CSMD2: variants seen among roughly 807,000 people sequenced by gnomAD.
CSMD2 encodes the protein CUB and sushi domain-containing protein 2.
A neutral mutation model predicts 398.5 loss-of-function variants in CSMD2; 130 were observed. The observed-to-expected ratio is 0.33, with a 90% CI of 0.28 to 0.38. The LOEUF is 0.38. Among genes scored for constraint, CSMD2 ranks in the 10% least tolerant of loss-of-function variants. The probability of loss-of-function intolerance (pLI) is 1.00; values close to 1 mark genes in which losing one functional copy is unlikely to be tolerated. For missense variants in CSMD2, 3,829 were observed against 4,764.9 expected (o/e 0.80, Z 5.78); for synonymous variants, 1,828 against 1,908.5 (o/e 0.96, Z 1.10).
At chr1:33,604,279 C>T (rs1640435003) in intron 42 of CSMD2, among the ~76,000 whole-genome samples, 1 of 152,236 alleles carries the variant, frequency 6.6e-6, no homozygotes, top group Non-Finnish European at 1.5e-5. Flanking sequence ...ACTGGTTACG[C>T]AGAGCAGAGC....
intron 22 of CSMD2, among the ~76,000 whole-genome samples, chr1:33,701,717 G>A (rs1411287409): frequency 6.6e-6 from 1 of 152,236 alleles, no homozygotes; most frequent in Non-Finnish European, 1.5e-5. Flanking sequence ...TGTAATTGCT[G>A]TGTATCACTG....
At chr1:33,589,724 T>C (rs1271179182) in intron 44 of CSMD2, among the ~76,000 whole-genome samples, 2 of 152,220 alleles carry the variant, frequency 1.3e-5, no homozygotes, top group Non-Finnish European at 2.9e-5. Context: ...ACCCCGCAGC[T>C]TGACACATTA....
intron 12 of CSMD2, among the ~76,000 whole-genome samples, chr1:33,788,342 T>C (rs1014530629): frequency 6.6e-6 from 1 of 151,808 alleles, no homozygotes. Flanking sequence ...ACCCCGTCTC[T>C]ACTAAAAATA....
chr1:33,616,195 T>A (rs1451669989), intron 39 of CSMD2, among the ~76,000 whole-genome samples: 1 of 152,180 alleles, frequency 6.6e-6, no homozygotes, highest in Admixed American at 6.5e-5. Context: ...AGCCAAGTCC[T>A]TGTTTCGCAC....
chr1:33,923,350 TCTCTTG>T (rs978589777), intron 4 of CSMD2, among the ~76,000 whole-genome samples: 4 of 152,206 alleles, frequency 2.6e-5, no homozygotes, highest in African/African-American at 7.2e-5. Context: ...CCTCACTCCC[TCTCTTG>T]CTCTTGCTCT....
intron 2 of CSMD2, among the ~76,000 whole-genome samples, chr1:34,051,170 G>A (rs561624959): frequency 6.6e-6 from 1 of 152,316 alleles, no homozygotes; most frequent in African/African-American, 2.4e-5. Context: ...GTATTATCAT[G>A]GCCTATGATT....
intron 6 of CSMD2, among the ~76,000 whole-genome samples, chr1:33,846,165 C>T (rs1661336036): frequency 6.6e-6 from 1 of 152,238 alleles, no homozygotes; most frequent in South Asian, 2.1e-4. Flanking sequence ...CAGTTACAGA[C>T]AGCTCCTTGC....
At chr1:33,571,256 G>A (rs1321710546) in intron 51 of CSMD2, among the ~76,000 whole-genome samples, 1 of 152,138 alleles carries the variant, frequency 6.6e-6, no homozygotes, top group Non-Finnish European at 1.5e-5. Context: ...CATATAGTAA[G>A]AGCCTAAGAA....
At chr1:34,071,869 T>C (rs1471068984) in intron 2 of CSMD2, among the ~76,000 whole-genome samples, 2 of 152,404 alleles carry the variant, frequency 1.3e-5, no homozygotes, top group Non-Finnish European at 2.9e-5. Flanking sequence ...GGATATTTTA[T>C]AGTCCTTCTA....
chr1:33,725,099 C>A (rs1252753725), intron 17 of CSMD2, among the ~76,000 whole-genome samples: 1 of 152,176 alleles, frequency 6.6e-6, no homozygotes, highest in African/African-American at 2.4e-5. Context: ...TGGCGGCACC[C>A]AATCACCTGC....
In CSMD2 at chr1:34,164,821, G is replaced by T; in HGVS notation, c.187+90C>A. 9.3e-7 allele frequency: 1 copy of T among 1,073,722 alleles called. No homozygotes were observed. Among genetic ancestry groups the T allele is most frequent in the East Asian group, 3.7e-5 (1 of 26,798 alleles). 66.5% of individuals were successfully genotyped at this position (1,073,722 alleles called of 1,614,324 possible). On this transcript the variant is annotated intron_variant, in intron 1 of 70. Coordinates refer to ENST00000373381, the MANE Select transcript of CSMD2 (RefSeq NM_001281956.2). The surrounding 1 kb of genome is among the most constrained non-coding windows in gnomAD (Gnocchi z 6.2). The stretch of plus-strand genomic sequence containing the variant: ...ATTCAGGCAGGGATAGAGGCGGGGG[G>T]AGGGACTGGGACCGGGTCGAGGATG...
At chr1:33,526,359 T>C (rs1654773758) in intron 65 of CSMD2, among the ~76,000 whole-genome samples, 1 of 152,222 alleles carries the variant, frequency 6.6e-6, no homozygotes, top group African/African-American at 2.4e-5. Context: ...TGTCTGATCA[T>C]GTGCAAAAGC....
At chr1:33,649,004 A>G (rs545729168) in intron 28 of CSMD2, among the ~76,000 whole-genome samples, 1 of 152,348 alleles carries the variant, frequency 6.6e-6, no homozygotes. Context: ...CTTGAACTTG[A>G]TGGAGTTTAT....
At chr1:33,530,638 C>T (rs1300171617) in intron 64 of CSMD2, among the ~76,000 whole-genome samples, 1 of 152,156 alleles carries the variant, frequency 6.6e-6, no homozygotes, top group African/African-American at 2.4e-5. Flanking sequence ...GAGATATCTG[C>T]ACTCTCATGT....
In CSMD2 at chr1:33,958,134, T is replaced by C. The variant is rs367623225; in HGVS notation, c.518-22180A>G. ...TCCCACCCCCACGCCTTTTCCTGAC[T>C]GCCACAGGGATCCTCATTCCATGAG... is the stretch of plus-strand genomic sequence containing the variant. On this transcript the variant is annotated intron_variant, in intron 3 of 70. Transcript: ENST00000373381. Among the ~76,000 whole-genome samples, 10 of 152,172 alleles carry C rather than the reference T, an allele frequency of 6.6e-5. No homozygotes were observed. In the East Asian group the frequency reaches 1.2e-3, roughly 18 times the overall value.
chr1:33,736,770 G>A (rs1010929681), intron 15 of CSMD2, among the ~76,000 whole-genome samples: 1 of 152,206 alleles, frequency 6.6e-6, no homozygotes, highest in African/African-American at 2.4e-5. Context: ...ACAGGACCAA[G>A]GCCTGTGGAA....
Position 34,035,721 on chromosome 1 carries a change from T to C in CSMD2, c.405-3015A>G, listed in dbSNP as rs1330930615. 6.6e-5 allele frequency among the ~76,000 whole-genome samples: 10 copies of C among 150,480 alleles called. No homozygotes were observed. The South Asian group carries it at 1.9e-3, about 29-fold the overall frequency. The stretch of plus-strand genomic sequence containing the variant: ...ACAAATAGAGGGTAAGTTTCTGAAG[T>C]TGATAAAGAACATCTACAAAAAAAA... On this transcript the variant is annotated intron_variant, in intron 2 of 70. Coordinates refer to ENST00000373381, the MANE Select transcript of CSMD2 (RefSeq NM_001281956.2).
rs530419993 is a variant in CSMD2 at position 33,826,121 on chromosome 1, G to A, written c.1034-347C>T. 1.2e-4 allele frequency among the ~76,000 whole-genome samples: 18 copies of A among 152,274 alleles called. No individual in the cohort carries two copies. In the South Asian group the frequency reaches 2.3e-3, roughly 19 times the overall value. The stretch of plus-strand genomic sequence containing the variant: ...GCTCCTCAGCAAACTTTTCATGAGC[G>A]TCGACGTGTGCAGCCTTGCAGCCCA... On this transcript the variant is annotated intron_variant, in intron 6 of 70. Transcript: ENST00000373381.
intron 2 of CSMD2, among the ~76,000 whole-genome samples, chr1:34,072,523 G>A (rs1172532095): frequency 6.6e-6 from 1 of 152,210 alleles, no homozygotes; most frequent in Non-Finnish European, 1.5e-5. Context: ...TGCTCTAGGG[G>A]AATGTTGCGT....
Sources: allele counts gnomAD v4.1 joint callset (sites outside exome capture counted in the v4.1 genomes callset), GRCh38; gene constraint gnomAD v4.1.1; non-coding constraint Gnocchi (gnomAD v3.1); transcripts MANE v1.5; gene names NCBI Gene and HGNC (gene_info 2026-07-23, HGNC 2026-07-21).